The following IL34 variants were observed in gnomAD, a reference collection of about 807,000 sequenced individuals.
IL34 encodes interleukin-34.
A neutral mutation model predicts 25.3 loss-of-function variants in IL34; 17 were observed. The ratio of observed to expected loss-of-function variants is 0.67; its 90% CI spans 0.46 to 1.01. The LOEUF is 1.01. Among genes scored for constraint, IL34 ranks in the 50% least tolerant of loss-of-function variants. The pLI, the probability that IL34 is intolerant of heterozygous loss-of-function variation, is 0.00. For missense variants in IL34, 368 were observed against 312.9 expected (o/e 1.18, Z -1.33); for synonymous variants, 174 against 140.9 (o/e 1.23, Z -1.66).
intron 1 of IL34, among the ~76,000 whole-genome samples, chr16:70,633,533 G>T (rs1183810143): frequency 6.6e-6 from 1 of 152,144 alleles, no homozygotes; most frequent in Non-Finnish European, 1.5e-5. Flanking sequence ...CCAAAGTGCT[G>T]GGATTCCAGG....
chr16:70,621,458 C>T (rs1389542683), intron 1 of IL34, among the ~76,000 whole-genome samples: 3 of 142,592 alleles, frequency 2.1e-5, no homozygotes, highest in Non-Finnish European at 4.6e-5. Flanking sequence ...AAGAAGGGGC[C>T]GCTTACCTGA....
chr16:70,647,741 G>C (rs1265870842), intron 1 of IL34, among the ~76,000 whole-genome samples: 1 of 152,208 alleles, frequency 6.6e-6, no homozygotes, highest in Admixed American at 6.5e-5. Flanking sequence ...TTGGAGGTTT[G>C]GGGTATGAGC....
At chr16:70,624,704 G>T (rs1237206955) in intron 1 of IL34, among the ~76,000 whole-genome samples, 1 of 152,018 alleles carries the variant, frequency 6.6e-6, no homozygotes, top group African/African-American at 2.4e-5. Context: ...TGCTGGACAG[G>T]TGGGGAAGGG....
chr16:70,626,418 CAG>C (rs769441148), intron 1 of IL34, among the ~76,000 whole-genome samples: 4 of 152,016 alleles, frequency 2.6e-5, no homozygotes, highest in Admixed American at 1.3e-4. Context: ...TTTTTTGAAT[CAG>C]AGTTTTGCTT....
chr16:70,619,382 T>C (rs1389546793), intron 1 of IL34, among the ~76,000 whole-genome samples: 1 of 152,004 alleles, frequency 6.6e-6, no homozygotes, highest in Non-Finnish European at 1.5e-5. Flanking sequence ...GAGATATAGC[T>C]GTAGTCCAGG....
At chr16:70,624,868 G>A (rs979672336) in intron 1 of IL34, among the ~76,000 whole-genome samples, 2 of 151,854 alleles carry the variant, frequency 1.3e-5, no homozygotes, top group African/African-American at 2.4e-5. Context: ...AGAAAAGGAA[G>A]ATTAGAAAGA....
chr16:70,628,866 T>C (rs1047464473), intron 1 of IL34, among the ~76,000 whole-genome samples: 1 of 149,310 alleles, frequency 6.7e-6, no homozygotes, highest in Admixed American at 6.7e-5. Context: ...CAGCTCACTA[T>C]AGCTTCGAAC....
intron 1 of IL34, among the ~76,000 whole-genome samples, chr16:70,586,968 G>A (rs1424611990): frequency 6.6e-6 from 1 of 152,182 alleles, no homozygotes; most frequent in African/African-American, 2.4e-5. Context: ...GATGTTGCGG[G>A]CTCATTTGGG....
At chr16:70,655,293 C>T (rs1404487519) in intron 2 of IL34, among the ~76,000 whole-genome samples, 6 of 151,952 alleles carry the variant, frequency 3.9e-5, no homozygotes, top group Non-Finnish European at 4.4e-5. Flanking sequence ...CCTCGTGATC[C>T]GCCTGCCTCA....
intron 1 of IL34, among the ~76,000 whole-genome samples, chr16:70,623,534 G>A (rs1198473509): frequency 6.6e-6 from 1 of 152,076 alleles, no homozygotes; most frequent in Non-Finnish European, 1.5e-5. Context: ...TGTGGGATGG[G>A]ATATTGGCAT....
chr16:70,597,737 A>G (rs1003600000), intron 1 of IL34, among the ~76,000 whole-genome samples: 2 of 152,202 alleles, frequency 1.3e-5, no homozygotes, highest in African/African-American at 2.4e-5. Context: ...CCCTGCATCT[A>G]TTAAATGGTA....
chr16:70,641,523 TCCTC>T (rs1211987500), intron 1 of IL34, among the ~76,000 whole-genome samples: 2 of 125,988 alleles, frequency 1.6e-5, no homozygotes, highest in African/African-American at 6.8e-5. Flanking sequence ...CTCCCTCCCT[TCCTC>T]CCTCCCTCCC....
intron 1 of IL34, among the ~76,000 whole-genome samples, chr16:70,622,911 T>G (rs1448940918): frequency 1.3e-5 from 2 of 152,018 alleles, no homozygotes; most frequent in Non-Finnish European, 2.9e-5. Context: ...GGCTAAAACA[T>G]TAAGGTCAAA....
At position 70,656,972 on chromosome 16, in the gene IL34, G is replaced by A; in HGVS notation, c.253G>A (p.Val85Met). ...ANVTRLQRAQVSERELRYLWV... is the reference protein window; with the variant it reads ...ANVTRLQRAQMSERELRYLWV... ...CCTGTTTCCGCAGCAGAGGGCCCAG[G>A]TGAGCGAGCGGGAGCTGCGGTATCT... The change falls in exon 4 of 6, where the codon GTG (valine) becomes ATG (methionine). Residue 85 changes from valine to methionine, a missense_variant. Coordinates refer to ENST00000288098, the MANE Select transcript of IL34 (RefSeq NM_001393494.1). 3.1e-6 allele frequency: 5 copies of A among 1,609,424 alleles called. No individual in the cohort carries two copies. The highest frequency in any genetic ancestry group is 4.2e-6 in the Non-Finnish European group (5 of 1,178,144).
At chr16:70,627,184 C>G (rs995254753) in intron 1 of IL34, among the ~76,000 whole-genome samples, 3 of 152,154 alleles carry the variant, frequency 2.0e-5, no homozygotes, top group African/African-American at 7.2e-5. Context: ...ATGTTGAGCT[C>G]TTTCAGGCTA....
At chr16:70,638,417 C>T (rs572345955) in intron 1 of IL34, among the ~76,000 whole-genome samples, 2 of 149,424 alleles carry the variant, frequency 1.3e-5, no homozygotes, top group East Asian at 3.9e-4. Flanking sequence ...TTTGAGGCAA[C>T]AGAGTGAAGA....
chr16:70,615,664 G>A (rs1208361357), intron 1 of IL34, among the ~76,000 whole-genome samples: 1 of 151,968 alleles, frequency 6.6e-6, no homozygotes, highest in African/African-American at 2.4e-5. Flanking sequence ...ATAGGTAGAT[G>A]AAAGTGCCAG....
At chr16:70,620,957 GAC>G (rs1456646940) in intron 1 of IL34, among the ~76,000 whole-genome samples, 3 of 152,254 alleles carry the variant, frequency 2.0e-5, no homozygotes, top group Admixed American at 6.5e-5. Flanking sequence ...AAAGAGTAGA[GAC>G]ACGGAGAAGG....
intron 5 of IL34, 86 bp from the exon 6 acceptor site, chr16:70,659,911 G>C: frequency 6.7e-7 from 1 of 1,482,984 alleles, no homozygotes; most frequent in East Asian, 2.3e-5. Flanking sequence ...GGTAGAGTGG[G>C]GGACAAGCAC....
Sources: gnomAD v4.1 joint callset for allele counts (sites outside exome capture counted in the v4.1 genomes callset) on GRCh38, gnomAD v4.1.1 for gene constraint, MANE v1.5 for transcripts, NCBI Gene and HGNC (gene_info 2026-07-23, HGNC 2026-07-21) for gene names.